Variants in ASTN1 observed in about 807,000 individuals in gnomAD.
ASTN1 encodes the protein astrotactin-1.
ASTN1 carries 41 observed loss-of-function variants against 140.7 expected under a neutral mutation model. The observed-to-expected ratio is 0.29, with a 90% confidence interval of 0.23 to 0.38. The LOEUF is 0.38. Ranked by LOEUF, ASTN1 falls within the 10% of genes least tolerant of loss-of-function variation. The probability of loss-of-function intolerance (pLI) is 1.00; values close to 1 mark genes in which losing one functional copy is unlikely to be tolerated. For missense variants in ASTN1, 1,479 were observed against 1,678.8 expected, an observed-to-expected ratio of 0.88 and a Z score of 2.08; for synonymous variants, 640 against 652.2, an observed-to-expected ratio of 0.98 and a Z score of 0.29.
chr1:177,099,836 C>T (rs1680215599), intron 1 of ASTN1, among the ~76,000 whole-genome samples: 1 of 152,132 alleles, frequency 6.6e-6, no homozygotes, highest in Non-Finnish European at 1.5e-5. Context: ...GTGTGAGCAT[C>T]TATCTTTCTA....
At chr1:177,109,596 C>T (rs1451881814) in intron 1 of ASTN1, among the ~76,000 whole-genome samples, 1 of 152,084 alleles carries the variant, frequency 6.6e-6, no homozygotes, top group Non-Finnish European at 1.5e-5. Context: ...ACAAGAAACA[C>T]AAGACTTAGG....
rs535916834 is a variant in ASTN1, at chr1:176,861,279, C to T, written c.*3005G>A. ...GTGTAGTTAACTAAAAAATAATGAACGGACCAAACTCCATGGAAAACGATT... is the reference window on the plus strand; with the variant it reads ...GTGTAGTTAACTAAAAAATAATGAATGGACCAAACTCCATGGAAAACGATT... On this transcript the variant is annotated 3_prime_UTR_variant, in exon 23 of 23. Coordinates refer to ENST00000361833, the MANE Select transcript of ASTN1 (RefSeq NM_004319.3). The T allele has an allele frequency of 1.2e-4, 118 of 985,312 alleles. No individual in the cohort carries two copies. Among genetic ancestry groups the T allele is most frequent in the South Asian group, 6.1e-4 (13 of 21,274 alleles). 61.0% of individuals were successfully genotyped at this position (985,312 alleles called of 1,614,324 possible).
chr1:176,934,319 G>C lies in ASTN1; in HGVS notation c.2504C>G (p.Ser835Trp), dbSNP rs765840266. 11 of 1,612,944 alleles carry C rather than the reference G, an allele frequency of 6.8e-6. No individual in the cohort carries two copies. The South Asian group carries it at 1.2e-4, about 18-fold the overall frequency. The stretch of plus-strand genomic sequence containing the variant: ...TGCACGAGATGTAGCCCCATCCAGC[G>C]AGTGGAGAGCATTGCTGAGGGCTAT... ...ISQALSNALH[S>W]LDGATSRADF... The change falls in exon 16 of 23, where the codon TCG becomes TGG. Residue 835 changes from serine (S) to tryptophan (W), a missense_variant. Ser to Trp is a radical substitution (Grantham distance 177). Around this residue, in one of 3 missense-constraint regions of ASTN1, gnomAD observed 746 missense variants for 800.9 expected, o/e 0.93. Coordinates refer to ENST00000361833, the MANE Select transcript of ASTN1 (RefSeq NM_004319.3).
At chr1:176,929,742 C>T (rs904480619) in intron 16 of ASTN1, among the ~76,000 whole-genome samples, 3 of 152,226 alleles carry the variant, frequency 2.0e-5, no homozygotes, top group African/African-American at 7.2e-5. Context: ...GGCACGGTGG[C>T]TCACGCCAGT....
At chr1:177,123,218 C>G (rs999135993) in intron 1 of ASTN1, among the ~76,000 whole-genome samples, 2 of 152,074 alleles carry the variant, frequency 1.3e-5, no homozygotes, top group Non-Finnish European at 1.5e-5. Flanking sequence ...CCACGCAAAC[C>G]CTCTCAGTAC....
chr1:176,923,323 T>G (rs918283346), intron 16 of ASTN1, among the ~76,000 whole-genome samples: 3 of 152,178 alleles, frequency 2.0e-5, no homozygotes, highest in African/African-American at 7.2e-5. Context: ...ATTATACAGA[T>G]AAGAAAATTA....
At chr1:177,117,937 GTTTA>G (rs1328822438) in intron 1 of ASTN1, among the ~76,000 whole-genome samples, 1 of 152,134 alleles carries the variant, frequency 6.6e-6, no homozygotes, top group African/African-American at 2.4e-5. Context: ...TTTATGACAT[GTTTA>G]TTTATCCTAT....
At chr1:176,955,823 G>A (rs187314062) in intron 11 of ASTN1, among the ~76,000 whole-genome samples, 1 of 152,332 alleles carries the variant, frequency 6.6e-6, no homozygotes, top group African/African-American at 2.4e-5. Context: ...GTCTGCTAAT[G>A]CATGTGCATG....
chr1:176,927,574 A>G (rs188286318), intron 16 of ASTN1, among the ~76,000 whole-genome samples: 7 of 152,362 alleles, frequency 4.6e-5, no homozygotes, highest in Admixed American at 2.6e-4. Context: ...TGGGATATAC[A>G]GATCTATATC....
chr1:177,039,120 A>G (rs1198751321), intron 2 of ASTN1, among the ~76,000 whole-genome samples: 1 of 152,242 alleles, frequency 6.6e-6, no homozygotes, highest in Non-Finnish European at 1.5e-5. Flanking sequence ...TCCAGCTACC[A>G]TCTGTCAAGA....
At chr1:177,071,740 T>C (rs1678646622) in intron 1 of ASTN1, among the ~76,000 whole-genome samples, 1 of 152,184 alleles carries the variant, frequency 6.6e-6, no homozygotes, top group Admixed American at 6.5e-5. Context: ...TAAACCTTTC[T>C]GGTATTTTTT....
chr1:176,997,682 A>C lies in ASTN1; in HGVS notation c.1523+17109T>G, dbSNP rs139358796. On this transcript the variant is annotated intron_variant, in intron 8 of 22. Coordinates refer to ENST00000361833, the MANE Select transcript of ASTN1 (RefSeq NM_004319.3). ...ATGTACTTGAGAATGAGACTCAAAAATAAGCCCTTGCTCCAAAGTTATGGT... is the reference window on the plus strand; with the variant it reads ...ATGTACTTGAGAATGAGACTCAAAACTAAGCCCTTGCTCCAAAGTTATGGT... 2.5e-3 allele frequency among the ~76,000 whole-genome samples: 379 copies of C among 152,244 alleles called. 1 individual carries two copies. Among genetic ancestry groups the C allele is most frequent in the African/African-American group, 8.9e-3 (371 of 41,554 alleles).
intron 1 of ASTN1, among the ~76,000 whole-genome samples, chr1:177,075,645 C>CT (rs5778927): frequency 0.033 from 3,318 of 99,496 alleles, 78 homozygotes; most frequent in African/African-American, 0.039. Context: ...CTTTTCTTTT[C>CT]TTTTTTTTTT....
chr1:176,967,177 T>C (rs553331452), intron 8 of ASTN1, among the ~76,000 whole-genome samples: 14 of 152,278 alleles, frequency 9.2e-5, no homozygotes, highest in Admixed American at 8.5e-4. Context: ...GAGGCAAGAA[T>C]TGGCTCCATA....
chr1:176,950,076 A>G (rs575692858), intron 11 of ASTN1, among the ~76,000 whole-genome samples: 121 of 152,202 alleles, frequency 7.9e-4, no homozygotes, highest in Admixed American at 8.5e-4. Context: ...TCAGTAATAT[A>G]CTCCCCAAGA....
chr1:177,149,956 A>T (rs1682956872), intron 1 of ASTN1, among the ~76,000 whole-genome samples: 1 of 150,708 alleles, frequency 6.6e-6, no homozygotes, highest in Non-Finnish European at 1.5e-5. Context: ...TAAAGACAGG[A>T]TTATGTCTGT....
chr1:177,084,562 C>A (rs980981490), intron 1 of ASTN1, among the ~76,000 whole-genome samples: 1 of 151,974 alleles, frequency 6.6e-6, no homozygotes, highest in Non-Finnish European at 1.5e-5. Context: ...CTTCACTTTT[C>A]ATTTCATACT....
At chr1:177,131,105 A>G (rs1186042226) in intron 1 of ASTN1, among the ~76,000 whole-genome samples, 1 of 152,086 alleles carries the variant, frequency 6.6e-6, no homozygotes, top group Non-Finnish European at 1.5e-5. Context: ...TTACTGCTGT[A>G]TTTACTCCCT....
chr1:176,876,719 C>CCACA, intron 20 of ASTN1, 82 bp from the exon 21 acceptor site: 1 of 1,387,852 alleles, frequency 7.2e-7, no homozygotes, highest in Admixed American at 2.0e-5. Flanking sequence ...CATGGCCCAG[C>CCACA]TCTGCCTGAA....
Sources: allele counts gnomAD v4.1 joint callset (sites outside exome capture counted in the v4.1 genomes callset), GRCh38; gene constraint gnomAD v4.1.1; regional missense constraint gnomAD v4.1.1; transcripts MANE v1.5; gene names NCBI Gene and HGNC (gene_info 2026-07-23, HGNC 2026-07-21).